MARS1: variants seen among roughly 807,000 people sequenced by gnomAD.
MARS1 encodes methionyl-tRNA synthetase 1.
Under a neutral mutation model 119.5 loss-of-function variants are expected in MARS1, and 80 were observed. That is an observed-to-expected ratio of 0.67 (90% confidence interval 0.56 to 0.81). The LOEUF (loss-of-function observed/expected upper bound fraction) is 0.81, where lower values mean the gene tolerates loss of function less well. MARS1 is among the 30% of genes least tolerant of loss of function. The pLI is 0.00. For synonymous variants in MARS1, 418 were observed against 433.4 expected, an observed-to-expected ratio of 0.96 and a Z score of 0.44; for missense variants, 945 against 1,116.5, an observed-to-expected ratio of 0.85 and a Z score of 2.19.
intron 7 of MARS1, among the ~76,000 whole-genome samples, chr12:57,492,647 G>T (rs1876035664): frequency 6.7e-6 from 1 of 148,700 alleles, no homozygotes; most frequent in Non-Finnish European, 1.5e-5. Flanking sequence ...CTCCAGCCTG[G>T]GCAACAGAGC....
intron 7 of MARS1, 33 bp from the exon 8 acceptor site, chr12:57,498,116 ACATCCCCC>A: frequency 7.5e-7 from 1 of 1,337,894 alleles, no homozygotes; most frequent in Non-Finnish European, 1.1e-6. Flanking sequence ...GTTGACCCTC[ACATCCCCC>A]CATGCACTGT....
intron 7 of MARS1, among the ~76,000 whole-genome samples, chr12:57,495,474 A>G (rs866653622): frequency 4.4e-4 from 66 of 151,108 alleles, no homozygotes; most frequent in African/African-American, 1.6e-3. Flanking sequence ...CTCACTTCCT[A>G]GACAGGTTGA....
At chr12:57,495,106 C>G (rs1876527451) in intron 7 of MARS1, among the ~76,000 whole-genome samples, 1 of 148,754 alleles carries the variant, frequency 6.7e-6, no homozygotes, top group Non-Finnish European at 1.5e-5. Context: ...CCCCCCACCT[C>G]CCGGGCTGGG....
intron 11 of MARS1, among the ~76,000 whole-genome samples, chr12:57,509,149 C>T: frequency 6.6e-6 from 1 of 152,094 alleles, no homozygotes; most frequent in Middle Eastern, 3.2e-3. Context: ...CTTATTTCAT[C>T]AGTAGGAACG....
At chr12:57,489,747 G>T (rs1466542881) in intron 4 of MARS1, 149 bp from the exon 5 acceptor site, 9 of 1,036,432 alleles carry the variant, frequency 8.7e-6, no homozygotes, top group Admixed American at 2.0e-5. Context: ...ACCTATCTCA[G>T]TGAGTTATTG....
chr12:57,511,229 C>T (rs181555153), intron 11 of MARS1, among the ~76,000 whole-genome samples: 95 of 152,224 alleles, frequency 6.2e-4, no homozygotes, highest in African/African-American at 2.2e-3. Context: ...GATCCTCCTG[C>T]GTCAGCCTTC....
intron 1 of MARS1, 185 bp downstream of exon 1, chr12:57,488,384 A>G: frequency 1.4e-6 from 1 of 711,596 alleles, no homozygotes; most frequent in South Asian, 1.8e-5. Flanking sequence ...TCCTTTAATT[A>G]CCCTCAATAT....
At chr12:57,513,269 C>T (rs1223697961) in intron 15 of MARS1, among the ~76,000 whole-genome samples, 1 of 152,088 alleles carries the variant, frequency 6.6e-6, no homozygotes, top group Non-Finnish European at 1.5e-5. Context: ...AATAGTTCAC[C>T]TGCAGATCAT....
chr12:57,495,016 C>T (rs1214475335), intron 7 of MARS1, among the ~76,000 whole-genome samples: 1 of 152,180 alleles, frequency 6.6e-6, no homozygotes, highest in African/African-American at 2.4e-5. Flanking sequence ...CAGTGAGCTG[C>T]TGGGTACACC....
chr12:57,509,351 A>C (rs1877398906), intron 11 of MARS1, among the ~76,000 whole-genome samples: 1 of 152,178 alleles, frequency 6.6e-6, no homozygotes, highest in Admixed American at 6.5e-5. Context: ...GCTCATTGCT[A>C]CTGGGTGTCT....
chr12:57,507,267 G>A (rs1348151929), intron 11 of MARS1, among the ~76,000 whole-genome samples: 1 of 149,890 alleles, frequency 6.7e-6, no homozygotes, highest in Non-Finnish European at 1.5e-5. Flanking sequence ...ACACAGACAC[G>A]GCAACCATCC....
intron 3 of MARS1, 32 bp downstream of exon 3, chr12:57,489,377 G>A (rs774887880): frequency 1.9e-6 from 3 of 1,614,024 alleles, no homozygotes; most frequent in Admixed American, 1.7e-5. Flanking sequence ...TGTCAGGCAG[G>A]CCCTTGTTCT....
At chr12:57,504,830 A>G (rs1300409448) in intron 11 of MARS1, among the ~76,000 whole-genome samples, 1 of 151,356 alleles carries the variant, frequency 6.6e-6, no homozygotes, top group African/African-American at 2.4e-5. Flanking sequence ...CAGCCTCCAG[A>G]ATAGCTGGGA....
intron 11 of MARS1, among the ~76,000 whole-genome samples, chr12:57,510,674 T>C (rs1399080960): frequency 1.3e-5 from 2 of 151,888 alleles, no homozygotes; most frequent in African/African-American, 4.8e-5. Context: ...TTCATGCCTG[T>C]AATTCCAGCA....
rs1387065699 is a variant in MARS1 at position 57,489,879 on chromosome 12, T to C, written c.415-17T>C. 6 of 1,612,022 alleles carry C rather than the reference T, an allele frequency of 3.7e-6. No individual in the cohort carries two copies. The highest frequency in any genetic ancestry group is 5.1e-6 in the Non-Finnish European group (6 of 1,178,058). ...TGTCTCATTTGTGTACATTTTCCTTTTCTATCCCCAACAAAGGAGACAGAA... is the reference window on the plus strand; with the variant it reads ...TGTCTCATTTGTGTACATTTTCCTTCTCTATCCCCAACAAAGGAGACAGAA... On this transcript the variant is annotated splice_polypyrimidine_tract_variant and intron_variant, in intron 4 of 20. Coordinates refer to ENST00000262027, the MANE Select transcript of MARS1 (RefSeq NM_004990.4).
In MARS1 at chr12:57,514,789, G is replaced by C; in HGVS notation, c.2037G>C (p.Gln679His). The C allele has an allele frequency of 1.2e-6, 2 of 1,614,204 alleles. No individual in the cohort carries two copies. ...AGATGGTGCTCACCCCTGATGATCA[G>C]CGCCTGCTGGCCCATGTCACCCTGG... ...VPEMVLTPDD[Q>H]RLLAHVTLEL... Residue 679 changes from glutamine (Q) to histidine (H), a missense_variant, in exon 16 of 21, where the codon CAG (glutamine) becomes CAC (histidine). Physicochemically the swap from Gln to His is conservative, Grantham distance 24. Transcript: ENST00000262027.
chr12:57,506,493 A>G (rs1339508290), intron 11 of MARS1, among the ~76,000 whole-genome samples: 1 of 152,108 alleles, frequency 6.6e-6, no homozygotes, highest in Non-Finnish European at 1.5e-5. Context: ...TTTCCTCATG[A>G]TTTCAGGCTA....
rs1318296506 is a variant in MARS1, at chr12:57,515,607, A to G, written c.2391+271A>G. ...GTGATCACCTAGTCTCCATAATGCTAGCAGATAGTGGGCAGGGAAAATACA... is the reference window on the plus strand; with the variant it reads ...GTGATCACCTAGTCTCCATAATGCTGGCAGATAGTGGGCAGGGAAAATACA... On this transcript the variant is annotated intron_variant, in intron 18 of 20. Coordinates refer to ENST00000262027, the MANE Select transcript of MARS1 (RefSeq NM_004990.4). 7.0e-6 allele frequency: 4 copies of G among 568,858 alleles called. No individual in the cohort carries two copies. In the East Asian group the frequency reaches 8.8e-5, roughly 13 times the overall value. The allele number at this position is 568,858 out of a possible 1,614,324, so 35.2% of individuals were successfully genotyped here. A position where few individuals can be genotyped will look rare whatever the true frequency, so the allele number is the denominator to read the frequency against.
At chr12:57,496,004 G>A (rs943911526) in intron 7 of MARS1, among the ~76,000 whole-genome samples, 7 of 152,186 alleles carry the variant, frequency 4.6e-5, no homozygotes, top group African/African-American at 1.4e-4. Flanking sequence ...GTGGGAGACC[G>A]TGGAAAGTCG....
Sources: allele counts gnomAD v4.1 joint callset (sites outside exome capture counted in the v4.1 genomes callset), GRCh38; gene constraint gnomAD v4.1.1; transcripts MANE v1.5; gene names NCBI Gene and HGNC (gene_info 2026-07-23, HGNC 2026-07-21).